GLRA2: variants seen among roughly 807,000 people sequenced by gnomAD.
GLRA2 encodes glycine receptor alpha 2.
GLRA2 carries 11 observed loss-of-function variants against 31.6 expected under a neutral mutation model. The observed-to-expected ratio is 0.35, with a 90% CI of 0.22 to 0.58. The LOEUF (loss-of-function observed/expected upper bound fraction) is 0.58, where lower values mean the gene tolerates loss of function less well. Among genes scored for constraint, GLRA2 ranks in the 20% least tolerant of loss-of-function variants. The probability of loss-of-function intolerance (pLI) is 0.84; values close to 1 mark genes in which losing one functional copy is unlikely to be tolerated. For synonymous variants in GLRA2, 132 were observed against 134.0 expected, an observed-to-expected ratio of 0.99 and a Z score of 0.10; for missense variants, 212 against 351.8, an observed-to-expected ratio of 0.60 and a Z score of 3.18.
intron 7 of GLRA2, among the ~76,000 whole-genome samples, chrX:14,649,371 A>T (rs987762709): frequency 1.8e-5 from 2 of 111,504 alleles, no homozygotes; most frequent in African/African-American, 6.5e-5. Flanking sequence ...CACAACCCAA[A>T]TTCCATCAGT....
chrX:14,489,256 G>C, the GLRA2 span, among the ~76,000 whole-genome samples: 6 of 111,517 alleles, frequency 5.4e-5, no homozygotes, highest in African/African-American at 1.6e-4. Flanking sequence ...AGGTAAAATT[G>C]TATGGTGATT....
At chrX:14,697,456 T>C (rs770510698) in intron 8 of GLRA2, among the ~76,000 whole-genome samples, 1 of 111,281 alleles carries the variant, frequency 9.0e-6, no homozygotes, top group South Asian at 3.8e-4. Flanking sequence ...CCTTAACACA[T>C]GGTGAAATCG....
At chrX:14,630,676 T>C (rs892712051) in intron 7 of GLRA2, among the ~76,000 whole-genome samples, 2 of 111,308 alleles carry the variant, frequency 1.8e-5, no homozygotes, top group Non-Finnish European at 3.8e-5. Flanking sequence ...TTTGTGCTGC[T>C]ATAACAAAAT....
At chrX:14,578,785 G>A (rs912894499) in intron 3 of GLRA2, among the ~76,000 whole-genome samples, 1 of 111,601 alleles carries the variant, frequency 9.0e-6, no homozygotes, top group African/African-American at 3.3e-5. Context: ...CATACCATCT[G>A]TATATAGCTT....
At chrX:14,656,148 G>A (rs749131842) in intron 7 of GLRA2, among the ~76,000 whole-genome samples, 8 of 111,784 alleles carry the variant, frequency 7.2e-5, no homozygotes, top group Non-Finnish European at 1.3e-4. Context: ...GAAGCTGGTT[G>A]TACAGTAGTC....
intron 2 of GLRA2, among the ~76,000 whole-genome samples, chrX:14,558,840 T>C (rs1195582355): frequency 1.8e-5 from 2 of 109,545 alleles, no homozygotes; most frequent in Admixed American, 9.7e-5. Flanking sequence ...TTTTTTTTTT[T>C]CTGAGACAGA....
At chrX:14,638,829 T>G (rs764745238) in intron 7 of GLRA2, among the ~76,000 whole-genome samples, 1 of 111,828 alleles carries the variant, frequency 8.9e-6, no homozygotes, top group East Asian at 2.8e-4. Flanking sequence ...TAATAAAATT[T>G]ACTAATATTA....
the GLRA2 span, among the ~76,000 whole-genome samples, chrX:14,519,127 TTTA>T: frequency 9.1e-6 from 1 of 110,028 alleles, no homozygotes; most frequent in Admixed American, 9.8e-5. Context: ...GGCAATTTAT[TTTA>T]TTATTATATA....
chrX:14,655,152 G>T (rs2090927298), intron 7 of GLRA2, among the ~76,000 whole-genome samples: 2 of 111,714 alleles, frequency 1.8e-5, no homozygotes, highest in South Asian at 3.8e-4. Flanking sequence ...AATAAGCCAG[G>T]TGTAATATAG....
At chrX:14,487,164 G>A in the GLRA2 span, among the ~76,000 whole-genome samples, 15 of 109,572 alleles carry the variant, frequency 1.4e-4, no homozygotes, top group African/African-American at 5.0e-4. Context: ...GTCTAATATG[G>A]TAGTCAACAG....
chrX:14,725,174 A>C (rs750876797), intron 8 of GLRA2, among the ~76,000 whole-genome samples: 2 of 112,056 alleles, frequency 1.8e-5, no homozygotes, highest in Non-Finnish European at 3.8e-5. Flanking sequence ...CCATGGTTTT[A>C]AGTGAATGGT....
At chrX:14,508,202 G>A in the GLRA2 span, among the ~76,000 whole-genome samples, 3 of 111,829 alleles carry the variant, frequency 2.7e-5, no homozygotes, top group African/African-American at 3.3e-5. Context: ...AAAAGCACAC[G>A]GGATGCATTC....
At chrX:14,527,086 G>A (rs757658721), upstream of GLRA2, among the ~76,000 whole-genome samples, 4 of 111,663 alleles carry the variant, frequency 3.6e-5, no homozygotes, top group East Asian at 8.5e-4. Context: ...TTTGGACTTA[G>A]TTACAAGAAA....
At chrX:14,681,995 A>ATGTG (rs756711239) in intron 7 of GLRA2, among the ~76,000 whole-genome samples, 56 of 90,597 alleles carry the variant, frequency 6.2e-4, no homozygotes, top group African/African-American at 1.1e-3. Context: ...TTATATATGT[A>ATGTG]TGTGTGTGTG....
the GLRA2 span, among the ~76,000 whole-genome samples, chrX:14,480,556 C>T: frequency 9.0e-6 from 1 of 111,571 alleles, no homozygotes; most frequent in Admixed American, 9.5e-5. Flanking sequence ...AGTAGGGGTC[C>T]TGTTTCATCC....
chrX:14,670,575 CA>C (rs1260488868), intron 7 of GLRA2, among the ~76,000 whole-genome samples: 23 of 111,360 alleles, frequency 2.1e-4, no homozygotes, highest in Middle Eastern at 4.6e-3. Context: ...CGGCAGCAGG[CA>C]AAAGAGAGCT....
intron 8 of GLRA2, among the ~76,000 whole-genome samples, chrX:14,726,278 C>A (rs1041804771): frequency 1.8e-5 from 2 of 111,916 alleles, no homozygotes; most frequent in Non-Finnish European, 3.8e-5. Context: ...CAAAAAAATT[C>A]AAATTGGTTG....
At chrX:14,516,619 A>G in the GLRA2 span, among the ~76,000 whole-genome samples, 10 of 111,577 alleles carry the variant, frequency 9.0e-5, no homozygotes, top group African/African-American at 2.9e-4. Context: ...TGAGCCGGCC[A>G]TACATAACTA....
the GLRA2 span, among the ~76,000 whole-genome samples, chrX:14,464,844 C>T: frequency 2.1e-4 from 24 of 111,970 alleles, no homozygotes; most frequent in South Asian, 7.4e-4. Context: ...CGTGAGCCAC[C>T]GCGCCCAGCC....
Sources: allele counts gnomAD v4.1 joint callset (sites outside exome capture counted in the v4.1 genomes callset), GRCh38; gene constraint gnomAD v4.1.1; transcripts MANE v1.5; gene names NCBI Gene and HGNC (gene_info 2026-07-23, HGNC 2026-07-21).